The following RNF216 variants were observed in gnomAD, a reference collection of about 807,000 sequenced individuals.
The protein encoded by RNF216 is E3 ubiquitin-protein ligase RNF216.
In RNF216, 72 loss-of-function variants were observed where a neutral mutation model predicts 110.8. The observed-to-expected ratio is 0.65, with a 90% CI of 0.54 to 0.79. RNF216 has a LOEUF of 0.79. Ranked by LOEUF, RNF216 falls within the 30% of genes least tolerant of loss-of-function variation. The pLI, the probability that RNF216 is intolerant of heterozygous loss-of-function variation, is 0.00. For synonymous variants in RNF216, 495 were observed against 407.5 expected (o/e 1.21, Z -2.59); for missense variants, 1,342 against 1,141.2 (o/e 1.18, Z -2.54).
At chr7:5,753,984 G>A (rs1422494338) in intron 2 of RNF216, among the ~76,000 whole-genome samples, 1 of 152,038 alleles carries the variant, frequency 6.6e-6, no homozygotes, top group Non-Finnish European at 1.5e-5. Flanking sequence ...GACAGAGTGA[G>A]ACCCCATCTC....
intron 1 of RNF216, among the ~76,000 whole-genome samples, chr7:5,774,062 A>G (rs868556894): frequency 6.6e-6 from 1 of 152,248 alleles, no homozygotes; most frequent in Non-Finnish European, 1.5e-5. Context: ...TGAGAAGAAA[A>G]GAATTCTGAT....
chr7:5,673,361 A>C (rs1790051638), intron 13 of RNF216, among the ~76,000 whole-genome samples: 1 of 152,204 alleles, frequency 6.6e-6, no homozygotes, highest in Non-Finnish European at 1.5e-5. Flanking sequence ...GGCTGGAGAT[A>C]GCTCTGTGGG....
intron 1 of RNF216, among the ~76,000 whole-genome samples, chr7:5,775,880 G>A (rs1015995931): frequency 6.7e-5 from 10 of 149,948 alleles, no homozygotes; most frequent in Admixed American, 2.7e-4. Flanking sequence ...AAAAAAAAAA[G>A]AAAAAGTGGG....
At chr7:5,669,724 T>C (rs1789774194) in intron 13 of RNF216, among the ~76,000 whole-genome samples, 1 of 152,038 alleles carries the variant, frequency 6.6e-6, no homozygotes, top group Admixed American at 6.6e-5. Flanking sequence ...CAAAACCCCA[T>C]CTACTAAAAA....
At chr7:5,743,392 A>T (rs751497957) in intron 3 of RNF216, among the ~76,000 whole-genome samples, 32 of 152,212 alleles carry the variant, frequency 2.1e-4, no homozygotes, top group Non-Finnish European at 1.2e-4. Context: ...AACAGAAAAA[A>T]GCCTAGAGAC....
At chr7:5,769,120 C>A (rs891741206) in intron 1 of RNF216, among the ~76,000 whole-genome samples, 3 of 84,632 alleles carry the variant, frequency 3.5e-5, no homozygotes, top group African/African-American at 9.9e-5. Flanking sequence ...GTTCCAAATG[C>A]CTTTTTTTTT....
At chr7:5,777,669 G>C (rs1202318280) in intron 1 of RNF216, 2 of 152,196 alleles carry the variant, frequency 1.3e-5, no homozygotes, top group African/African-American at 2.4e-5. Context: ...TTCAGAGAAA[G>C]AAAACGAAAA....
At chr7:5,709,631 C>T (rs1792534870) in intron 13 of RNF216, among the ~76,000 whole-genome samples, 1 of 152,194 alleles carries the variant, frequency 6.6e-6, no homozygotes, top group African/African-American at 2.4e-5. Flanking sequence ...CATAGACAAA[C>T]AAAAACATAT....
At chr7:5,759,899 G>C (rs1456181280) in intron 2 of RNF216, among the ~76,000 whole-genome samples, 2 of 152,002 alleles carry the variant, frequency 1.3e-5, no homozygotes, top group East Asian at 3.9e-4. Flanking sequence ...CCAAAGTGCT[G>C]GGATTACAGG....
intron 13 of RNF216, among the ~76,000 whole-genome samples, chr7:5,699,324 A>G (rs999790604): frequency 6.6e-6 from 1 of 152,190 alleles, no homozygotes; most frequent in Non-Finnish European, 1.5e-5. Flanking sequence ...AAAAACACAA[A>G]TAACAATGAG....
intron 15 of RNF216, among the ~76,000 whole-genome samples, chr7:5,629,602 G>C (rs1786932325): frequency 6.6e-6 from 1 of 152,082 alleles, no homozygotes; most frequent in Non-Finnish European, 1.5e-5. Context: ...GCCGAGGCGG[G>C]CGGATCACGA....
At chr7:5,743,587 C>T (rs139753577) in intron 3 of RNF216, among the ~76,000 whole-genome samples, 292 of 152,258 alleles carry the variant, frequency 1.9e-3, no homozygotes, top group African/African-American at 5.6e-3. Flanking sequence ...AGAATGATTC[C>T]ATTTACTTAA....
chr7:5,634,132 G>C (rs1014304146), intron 15 of RNF216, among the ~76,000 whole-genome samples: 1 of 152,228 alleles, frequency 6.6e-6, no homozygotes, highest in African/African-American at 2.4e-5. Flanking sequence ...GTCCTTTTGA[G>C]ACTTTTTTTC....
intron 2 of RNF216, among the ~76,000 whole-genome samples, chr7:5,759,309 T>C (rs903804532): frequency 2.0e-5 from 3 of 152,154 alleles, no homozygotes; most frequent in African/African-American, 7.2e-5. Context: ...TCTTGGGCAT[T>C]TCTTTACAGC....
At chr7:5,778,892 C>T (rs910715711) in intron 1 of RNF216, among the ~76,000 whole-genome samples, 22 of 152,164 alleles carry the variant, frequency 1.4e-4, no homozygotes, top group African/African-American at 4.8e-4. Context: ...TACAGGCGCA[C>T]GCCATCACAC....
At position 5,620,583 on chromosome 7, in the gene RNF216, G is replaced by T. The variant is rs1288661594; in HGVS notation, c.*2277C>A. The stretch of plus-strand genomic sequence containing the variant: ...TGCCTGGCTCGGGGAGGATCCTCAG[G>T]AATCAGGGACCCTCCAAGGAAAGAG... On this transcript the variant is annotated 3_prime_UTR_variant, in exon 17 of 17. Transcript: ENST00000389902. The T allele has an allele frequency of 2.0e-5, 3 of 152,330 alleles. No homozygotes were observed. The highest frequency in any genetic ancestry group is 2.0e-4 in the Admixed American group (3 of 15,284). 9.4% of individuals were successfully genotyped at this position (152,330 alleles called of 1,614,324 possible).
chr7:5,755,929 G>A (rs1795613780), intron 2 of RNF216, among the ~76,000 whole-genome samples: 1 of 151,924 alleles, frequency 6.6e-6, no homozygotes, highest in African/African-American at 2.4e-5. Flanking sequence ...GTTGCTTCAC[G>A]TCCTTATGGG....
chr7:5,753,149 G>A (rs1350605428), intron 2 of RNF216, among the ~76,000 whole-genome samples, 170 bp from the exon 3 acceptor site: 1 of 152,180 alleles, frequency 6.6e-6, no homozygotes, highest in Admixed American at 6.5e-5. Context: ...TTTCTATGCT[G>A]ACTTTTGCCA....
At chr7:5,709,896 G>A (rs1792555973) in intron 13 of RNF216, among the ~76,000 whole-genome samples, 1 of 152,126 alleles carries the variant, frequency 6.6e-6, no homozygotes, top group South Asian at 2.1e-4. Flanking sequence ...CTAGGACTAT[G>A]GGCACACACC....
Sources: gnomAD v4.1 joint callset for allele counts (sites outside exome capture counted in the v4.1 genomes callset) on GRCh38, gnomAD v4.1.1 for gene constraint, MANE v1.5 for transcripts, NCBI Gene and HGNC (gene_info 2026-07-23, HGNC 2026-07-21) for gene names.